INPP5A: variants seen among roughly 807,000 people sequenced by gnomAD.
INPP5A encodes 43 kDa inositol polyphosphate 5-phophatase.
INPP5A carries 14 observed loss-of-function variants against 65.2 expected under a neutral mutation model. The ratio of observed to expected loss-of-function variants is 0.21; its 90% CI spans 0.14 to 0.34. The LOEUF (loss-of-function observed/expected upper bound fraction) is 0.34. INPP5A is among the 10% of genes least tolerant of loss of function. The pLI, the probability that INPP5A is intolerant of heterozygous loss-of-function variation, is 1.00. For synonymous variants in INPP5A, 207 were observed against 208.3 expected (o/e 0.99, Z 0.05); for missense variants, 431 against 545.6 (o/e 0.79, Z 2.09).
Position 132,603,905 on chromosome 10 carries a change from C to T in INPP5A, c.76-4010C>T, listed in dbSNP as rs536135647. Reference sequence around the variant, plus strand: ...GCTGCATCACCTGAGTTCTGCCCTGCGCCGTCAGGGTCCCCTCTCCGTCCA... The same window carrying T: ...GCTGCATCACCTGAGTTCTGCCCTGTGCCGTCAGGGTCCCCTCTCCGTCCA... On this transcript the variant is annotated intron_variant, in intron 1 of 15. Transcript: ENST00000368594. This position sits in a 1 kb window ranked among gnomAD's most constrained non-coding sequence, Gnocchi z 4.2. 4.2e-4 allele frequency among the ~76,000 whole-genome samples: 63 copies of T among 151,486 alleles called. No homozygotes were observed. Among genetic ancestry groups the T allele is most frequent in the Admixed American group, 6.6e-4 (10 of 15,238 alleles).
intron 1 of INPP5A, among the ~76,000 whole-genome samples, chr10:132,588,135 G>T (rs1485159337): frequency 6.6e-6 from 1 of 151,928 alleles, no homozygotes; most frequent in Non-Finnish European, 1.5e-5. Flanking sequence ...ATCTTTTGGA[G>T]AAATTTGCCA....
rs991147895 is a variant in INPP5A, at chr10:132,616,055, G to A, written c.117+8099G>A. On this transcript the variant is annotated intron_variant, in intron 2 of 15. Coordinates refer to ENST00000368594, the MANE Select transcript of INPP5A (RefSeq NM_005539.5). This position sits in a 1 kb window ranked among gnomAD's most constrained non-coding sequence, Gnocchi z 4.9. ...GCCGGTTCCGGGTCCTGTGGGGAGCGGTGAGGGATGGTCGTGTGCGTCGTT... is the reference window on the plus strand; with the variant it reads ...GCCGGTTCCGGGTCCTGTGGGGAGCAGTGAGGGATGGTCGTGTGCGTCGTT... Among the ~76,000 whole-genome samples, 1 of 152,310 alleles carries A rather than the reference G, an allele frequency of 6.6e-6. No homozygotes were observed. The highest frequency in any genetic ancestry group is 1.5e-5 in the Non-Finnish European group (1 of 68,012).
At chr10:132,757,837 T>C (rs1188718980) in intron 11 of INPP5A, among the ~76,000 whole-genome samples, 3 of 147,036 alleles carry the variant, frequency 2.0e-5, no homozygotes, top group African/African-American at 7.6e-5. Context: ...GCCAGTGCGA[T>C]GTCGTGGGTC....
At chr10:132,721,839 C>T (rs566855249) in intron 8 of INPP5A, among the ~76,000 whole-genome samples, 47 of 152,218 alleles carry the variant, frequency 3.1e-4, no homozygotes, top group African/African-American at 1.0e-3. Flanking sequence ...AGATGGCTGT[C>T]TTGCCTGCGT....
intron 9 of INPP5A, among the ~76,000 whole-genome samples, chr10:132,740,143 G>A (rs540909011): frequency 6.6e-6 from 1 of 152,330 alleles, no homozygotes; most frequent in South Asian, 2.1e-4. Context: ...CTAACCCCAC[G>A]GGACCAGTAA....
intron 9 of INPP5A, among the ~76,000 whole-genome samples, chr10:132,740,426 G>A (rs1564993369): frequency 6.6e-6 from 1 of 152,094 alleles, no homozygotes; most frequent in African/African-American, 2.4e-5. Context: ...GTAGTGGCGC[G>A]GCATCCGGGA....
At chr10:132,711,075 TTC>T (rs1008177029) in intron 8 of INPP5A, among the ~76,000 whole-genome samples, 10 of 152,308 alleles carry the variant, frequency 6.6e-5, no homozygotes, top group African/African-American at 2.2e-4. Flanking sequence ...TGGCTTCACT[TTC>T]TCTCTGACTT....
intron 3 of INPP5A, among the ~76,000 whole-genome samples, chr10:132,648,504 A>G (rs1294194385): frequency 6.6e-6 from 1 of 152,214 alleles, no homozygotes; most frequent in Non-Finnish European, 1.5e-5. Context: ...TCTGCTTTTT[A>G]TCTGGCACCC....
intron 4 of INPP5A, among the ~76,000 whole-genome samples, chr10:132,669,895 T>G (rs985786700): frequency 1.3e-5 from 2 of 152,080 alleles, no homozygotes; most frequent in Middle Eastern, 6.8e-3. Flanking sequence ...TCCCTCTCTG[T>G]CCTCAGGGTG....
At chr10:132,577,020 G>GA (rs2071418562) in intron 1 of INPP5A, among the ~76,000 whole-genome samples, 1 of 152,262 alleles carries the variant, frequency 6.6e-6, no homozygotes, top group East Asian at 1.9e-4. Flanking sequence ...CATGGGGAGA[G>GA]GGCTTGTGCT....
intron 9 of INPP5A, among the ~76,000 whole-genome samples, chr10:132,748,216 G>A (rs1846407005): frequency 6.6e-6 from 1 of 151,852 alleles, no homozygotes; most frequent in African/African-American, 2.4e-5. Context: ...TGCTGCCTCT[G>A]TCTCTCCGAC....
At position 132,624,117 on chromosome 10, in the gene INPP5A, T is replaced by C. The variant is rs140616718; in HGVS notation, c.117+16161T>C. Among the ~76,000 whole-genome samples, 880 of 147,062 alleles carry C rather than the reference T, an allele frequency of 6.0e-3. 13 individuals are homozygous for C. The highest frequency in any genetic ancestry group is 4.8e-3 in the Non-Finnish European group (319 of 66,850). ...AGGGAATCTGTCATTTCTTATAAAGTTGGACGTGTGGCCACCCCCTGACCC... is the reference window on the plus strand; with the variant it reads ...AGGGAATCTGTCATTTCTTATAAAGCTGGACGTGTGGCCACCCCCTGACCC... On this transcript the variant is annotated intron_variant, in intron 2 of 15. Transcript: ENST00000368594.
At chr10:132,685,758 C>T (rs952482173) in intron 4 of INPP5A, among the ~76,000 whole-genome samples, 1 of 152,206 alleles carries the variant, frequency 6.6e-6, no homozygotes, top group Non-Finnish European at 1.5e-5. Context: ...TGCACAGTGC[C>T]TGCCGGGACG....
intron 2 of INPP5A, among the ~76,000 whole-genome samples, chr10:132,617,085 C>G (rs2072045613): frequency 6.6e-6 from 1 of 152,176 alleles, no homozygotes; most frequent in African/African-American, 2.4e-5. Context: ...TGCAGGCTCT[C>G]TCTCCCTCCA....
At chr10:132,746,005 C>T (rs576015303) in intron 9 of INPP5A, among the ~76,000 whole-genome samples, 7 of 152,266 alleles carry the variant, frequency 4.6e-5, no homozygotes, top group South Asian at 4.1e-4. Context: ...TACCCTGAGA[C>T]GCCTTGGCAG....
At chr10:132,623,013 C>T (rs1044649362) in intron 2 of INPP5A, among the ~76,000 whole-genome samples, 14 of 144,844 alleles carry the variant, frequency 9.7e-5, no homozygotes, top group Non-Finnish European at 1.8e-4. Flanking sequence ...AGAAATATAC[C>T]GTCCGTGTTC....
At chr10:132,767,684 C>T (rs556367859) in intron 12 of INPP5A, among the ~76,000 whole-genome samples, 4 of 152,250 alleles carry the variant, frequency 2.6e-5, no homozygotes, top group Admixed American at 1.3e-4. Context: ...GAGAGCCCCT[C>T]GCGCCCAGTG....
intron 3 of INPP5A, among the ~76,000 whole-genome samples, chr10:132,647,115 C>A (rs1401507311): frequency 7.0e-6 from 1 of 142,712 alleles, no homozygotes; most frequent in African/African-American, 2.6e-5. Context: ...TTTTTTTTTT[C>A]TTTTTTTTTT....
At chr10:132,543,906 G>A (rs920686554) in intron 1 of INPP5A, among the ~76,000 whole-genome samples, 3 of 152,244 alleles carry the variant, frequency 2.0e-5, no homozygotes, top group Admixed American at 6.5e-5. Context: ...CCCGCCTTCC[G>A]GTTCTGGTGA....
Sources: allele counts gnomAD v4.1 joint callset (sites outside exome capture counted in the v4.1 genomes callset), GRCh38; gene constraint gnomAD v4.1.1; non-coding constraint Gnocchi (gnomAD v3.1); transcripts MANE v1.5; gene names NCBI Gene and HGNC (gene_info 2026-07-23, HGNC 2026-07-21).